ENDOD1: variants seen among roughly 807,000 people sequenced by gnomAD.
ENDOD1 encodes the protein endonuclease domain-containing 1 protein.
In ENDOD1, 9 loss-of-function variants were observed where a neutral mutation model predicts 6.5. The ratio of observed to expected loss-of-function variants is 1.39; its 90% CI spans 0.84 to 2.43. The LOEUF is 2.43. ENDOD1 is among the 30% of genes most tolerant of loss of function. The pLI is 0.00. For synonymous variants in ENDOD1, 255 were observed against 255.2 expected (o/e 1.00, Z 0.01); for missense variants, 648 against 635.5 (o/e 1.02, Z -0.21).
intron 1 of ENDOD1, among the ~76,000 whole-genome samples, chr11:95,091,171 C>G (rs559297219): frequency 6.6e-6 from 1 of 152,290 alleles, no homozygotes; most frequent in Non-Finnish European, 1.5e-5. Context: ...GCCAGACTCC[C>G]CTTTGCCCTC....
chr11:95,128,788 AAGCACACCCGGGAC>A lies in ENDOD1; in HGVS notation c.715_728del (p.His239Ter). The A allele has an allele frequency of 1.2e-6, 2 of 1,614,184 alleles. No individual in the cohort carries two copies. The highest frequency in any genetic ancestry group is 1.7e-6 in the Non-Finnish European group (2 of 1,180,030). ...AGGAGGCTGGGCCATGGGCTTTGTC[AAGCACACCCGGGAC>A]AGTGACATCATAGAAGATGTGATGG... On this transcript the variant is annotated frameshift_variant, in exon 2 of 2. Coordinates refer to ENST00000278505, the MANE Select transcript of ENDOD1 (RefSeq NM_015036.3). LOFTEE classifies it low-confidence loss of function (END_TRUNC).
At chr11:95,113,020 CT>C (rs560876736) in intron 1 of ENDOD1, among the ~76,000 whole-genome samples, 2,666 of 141,328 alleles carry the variant, frequency 0.019, 52 homozygotes, top group African/African-American at 0.059. Flanking sequence ...ATTACTGAAG[CT>C]TTTTTTTTTT....
intron 1 of ENDOD1, among the ~76,000 whole-genome samples, chr11:95,122,056 T>C (rs1859266980): frequency 6.6e-6 from 1 of 152,184 alleles, no homozygotes; most frequent in South Asian, 2.1e-4. Context: ...TATTTTTGTC[T>C]TTAGGGAGCA....
chr11:95,100,023 A>G (rs1555110689), intron 1 of ENDOD1, among the ~76,000 whole-genome samples: 1 of 152,252 alleles, frequency 6.6e-6, no homozygotes, highest in African/African-American at 2.4e-5. Context: ...TTTGTGAACC[A>G]TAAAAAACTT....
At chr11:95,099,488 G>A (rs1555110652) in intron 1 of ENDOD1, among the ~76,000 whole-genome samples, 1 of 152,224 alleles carries the variant, frequency 6.6e-6, no homozygotes, top group Non-Finnish European at 1.5e-5. Flanking sequence ...TTGAGCAGAG[G>A]TGGCAGACCC....
At chr11:95,102,887 A>G (rs1555111038) in intron 1 of ENDOD1, among the ~76,000 whole-genome samples, 3 of 152,170 alleles carry the variant, frequency 2.0e-5, no homozygotes, top group African/African-American at 4.8e-5. Flanking sequence ...ATAATCTTGT[A>G]TAGAGACAGG....
chr11:95,104,865 C>T (rs1453944026), intron 1 of ENDOD1, among the ~76,000 whole-genome samples: 1 of 152,190 alleles, frequency 6.6e-6, no homozygotes, highest in Non-Finnish European at 1.5e-5. Flanking sequence ...TGGCTGCCAA[C>T]CCCAAAGTGC....
chr11:95,090,402 C>T (rs541461180), intron 1 of ENDOD1, among the ~76,000 whole-genome samples, 175 bp downstream of exon 1: 2 of 258 alleles, frequency 7.8e-3, no homozygotes, highest in Non-Finnish European at 0.013. Context: ...CCGGAGTTAG[C>T]CTGCCTCGCC....
At chr11:95,128,290 C>A in intron 1 of ENDOD1, 87 bp from the exon 2 acceptor site, 2 of 1,482,556 alleles carry the variant, frequency 1.3e-6, no homozygotes, top group Non-Finnish European at 1.8e-6. Context: ...CCAGTGGGGA[C>A]TTCTCCAGAG....
intron 1 of ENDOD1, among the ~76,000 whole-genome samples, chr11:95,111,005 G>A (rs1363357659): frequency 6.6e-6 from 1 of 152,200 alleles, no homozygotes; most frequent in Non-Finnish European, 1.5e-5. Context: ...AGAAAAGAGT[G>A]CTTGGGCCAA....
At chr11:95,094,533 C>A (rs148213062) in intron 1 of ENDOD1, among the ~76,000 whole-genome samples, 2 of 152,356 alleles carry the variant, frequency 1.3e-5, no homozygotes, top group Non-Finnish European at 2.9e-5. Context: ...AGGGGATATT[C>A]TGGTTAACTG....
chr11:95,128,258 C>G, intron 1 of ENDOD1, 119 bp from the exon 2 acceptor site: 6 of 1,214,966 alleles, frequency 4.9e-6, no homozygotes, highest in Non-Finnish European at 6.9e-6. Context: ...TCCTTCCAAA[C>G]TCAAGCGTTT....
intron 1 of ENDOD1, among the ~76,000 whole-genome samples, chr11:95,103,269 A>T (rs185586061): frequency 6.6e-6 from 1 of 152,328 alleles, no homozygotes; most frequent in East Asian, 1.9e-4. Context: ...GCATGGAATT[A>T]CAAGGAGCTT....
Position 95,129,496 on chromosome 11 carries a change from C to T in ENDOD1, c.1420C>T (p.Leu474=). 1 of 1,614,168 alleles carries T rather than the reference C, an allele frequency of 6.2e-7. No homozygotes were observed. Among genetic ancestry groups the T allele is most frequent in the Non-Finnish European group, 8.5e-7 (1 of 1,180,030 alleles). ...SLLFDTAFGT[L]GGLFQVVFSV... ...GCTCTTTGACACTGCTTTTGGTACC[C>T]TGGGTGGCCTATTTCAGGTGGTTTT... Residue 474 remains leucine (L), a synonymous_variant, in exon 2 of 2, where the codon CTG becomes TTG. Transcript: ENST00000278505.
rs1420191573 is a variant in ENDOD1 at position 95,130,743 on chromosome 11, T to TACAA, written c.*1168_*1171dup. On this transcript the variant is annotated 3_prime_UTR_variant, in exon 2 of 2. Transcript: ENST00000278505. ...ATTATTTTTACAGTGTGTTTGAGGCTACAAACATAACTCCCCCATTAATAC... is the reference window on the plus strand; with the variant it reads ...ATTATTTTTACAGTGTGTTTGAGGCTACAAACAAACATAACTCCCCCATTAATAC... 6.6e-6 allele frequency: 1 copy of TACAA among 152,220 alleles called. No homozygotes were observed. The allele number at this position is 152,220 out of a possible 1,614,324, so 9.4% of individuals were successfully genotyped here. A position where few individuals can be genotyped will look rare whatever the true frequency, so the allele number is the denominator to read the frequency against.
rs188992718 is a variant in ENDOD1 at position 95,128,496 on chromosome 11, A to G, written c.420A>G (p.Gln140=). Residue 140 remains glutamine, a synonymous_variant, in exon 2 of 2, where the codon CAA becomes CAG. Transcript: ENST00000278505. ...LNTDYLDSDY[Q]RGQLYPFSLS... Reference sequence around the variant, plus strand: ...CAGATTACCTTGATTCTGATTACCAAAGAGGACAGCTTTACCCATTCTCCC... The same window carrying G: ...CAGATTACCTTGATTCTGATTACCAGAGAGGACAGCTTTACCCATTCTCCC... 103 of 1,614,244 alleles carry G rather than the reference A, an allele frequency of 6.4e-5. 1 individual carries two copies. The East Asian group carries it at 2.0e-3, about 32-fold the overall frequency.
At chr11:95,118,579 CT>C (rs782337669) in intron 1 of ENDOD1, among the ~76,000 whole-genome samples, 70 of 152,252 alleles carry the variant, frequency 4.6e-4, no homozygotes, top group Non-Finnish European at 2.1e-4. Context: ...TCTGTTGCTG[CT>C]TTTAGGATTC....
At position 95,118,435 on chromosome 11, in the gene ENDOD1, T is replaced by A. The variant is rs74539085; in HGVS notation, c.301-9942T>A. Among the ~76,000 whole-genome samples the A allele has an allele frequency of 7.8e-3, 1,180 of 151,872 alleles. 17 individuals carry two copies. Among genetic ancestry groups the A allele is most frequent in the African/African-American group, 0.027 (1,116 of 41,100 alleles). On this transcript the variant is annotated intron_variant, in intron 1 of 1. Transcript: ENST00000278505. ...GAAGGTATTTTCACCAATGTACTAC[T>A]CTTAGGGTAATAGTTTTTTTCGTTC... is the stretch of plus-strand genomic sequence containing the variant.
chr11:95,122,282 G>A (rs548869159), intron 1 of ENDOD1, among the ~76,000 whole-genome samples: 2 of 152,112 alleles, frequency 1.3e-5, no homozygotes, highest in African/African-American at 4.8e-5. Flanking sequence ...GAGTACAATG[G>A]CATGATCTTG....
Sources: gnomAD v4.1 joint callset for allele counts (sites outside exome capture counted in the v4.1 genomes callset) on GRCh38, gnomAD v4.1.1 for gene constraint, MANE v1.5 for transcripts, NCBI Gene and HGNC (gene_info 2026-07-23, HGNC 2026-07-21) for gene names.